SPHKAP: variants seen among roughly 807,000 people sequenced by gnomAD.
The protein encoded by SPHKAP is SPHK1 interactor, AKAP domain containing, also known as A-kinase anchor protein SPHKAP.
Under a neutral mutation model 137.5 loss-of-function variants are expected in SPHKAP, and 67 were observed. The ratio of observed to expected loss-of-function variants is 0.49; its 90% confidence interval spans 0.40 to 0.60. SPHKAP has a LOEUF of 0.60. SPHKAP is among the 20% of genes least tolerant of loss of function. The pLI is 0.00. For synonymous variants in SPHKAP, 813 were observed against 785.3 expected (o/e 1.04, Z -0.59); for missense variants, 2,097 against 2,069.3 (o/e 1.01, Z -0.26).
In SPHKAP at chr2:228,016,704, C is replaced by T. The variant is rs764908088; in HGVS notation, c.4150G>A (p.Val1384Met). 6.2e-7 allele frequency: 1 copy of T among 1,614,138 alleles called. No homozygotes were observed. The highest frequency in any genetic ancestry group is 2.2e-5 in the East Asian group (1 of 44,864). ...GAAGCAGTTTTGCTCAAAGATGACA[C>T]TGGGGGCTGTTTACATTCGGTAACA... ...DSVTECKQPP[V>M]SSLSKTASLT... Residue 1384 changes from valine (V) to methionine (M), a missense_variant, in exon 7 of 12, where the codon GTG becomes ATG. Val to Met is a conservative substitution (Grantham distance 21, BLOSUM62 1). Coordinates refer to ENST00000392056, the MANE Select transcript of SPHKAP (RefSeq NM_001142644.2).
chr2:228,181,534 A>C lies in SPHKAP; in HGVS notation c.32+33T>G. ...CAACGCGGAACGGAGTTTGATCGAC[A>C]TGGTATTGGGCATAGAAAGAAGCGG... On this transcript the variant is annotated intron_variant, in intron 1 of 11. Transcript: ENST00000392056. This position sits in a 1 kb window ranked among gnomAD's most constrained non-coding sequence, Gnocchi z 4.3. 6.2e-7 allele frequency: 1 copy of C among 1,614,114 alleles called. No homozygotes were observed. The highest frequency in any genetic ancestry group is 1.1e-5 in the South Asian group (1 of 91,078).
At position 228,106,729 on chromosome 2, in the gene SPHKAP, G is replaced by C. The variant is rs180948675; in HGVS notation, c.246+2103C>G. ...TCTGTGGTTTACTTCTATTTCTTCT[G>C]TAGGTAATAATTTCCCTCAGGAATG... On this transcript the variant is annotated intron_variant, in intron 3 of 11. Coordinates refer to ENST00000392056, the MANE Select transcript of SPHKAP (RefSeq NM_001142644.2). Among the ~76,000 whole-genome samples the C allele has an allele frequency of 2.6e-5, 4 of 152,154 alleles. No individual in the cohort carries two copies. In the East Asian group the frequency reaches 7.7e-4, roughly 29 times the overall value.
chr2:228,024,466 C>T (rs1694957779), intron 5 of SPHKAP, among the ~76,000 whole-genome samples: 2 of 150,624 alleles, frequency 1.3e-5, no homozygotes, highest in East Asian at 2.0e-4. Flanking sequence ...TCATGTAAAA[C>T]TTATAGGACA....
rs553474525 is a variant in SPHKAP at position 228,115,160 on chromosome 2, C to T, written c.139-6221G>A. On this transcript the variant is annotated intron_variant, in intron 2 of 11. Coordinates refer to ENST00000392056, the MANE Select transcript of SPHKAP (RefSeq NM_001142644.2). ...AGTGTGTTGGTGTTTCTACTCCCAT[C>T]AATCATTTTCCTTATCTCCTTATCG... 2.0e-5 allele frequency among the ~76,000 whole-genome samples: 3 copies of T among 152,254 alleles called. No homozygotes were observed. In the East Asian group the frequency reaches 5.8e-4, roughly 29 times the overall value.
chr2:228,159,157 G>T (rs528514297), intron 1 of SPHKAP, among the ~76,000 whole-genome samples: 5 of 152,222 alleles, frequency 3.3e-5, no homozygotes, highest in Non-Finnish European at 2.9e-5. Context: ...CTCAGACACT[G>T]TCCAGTTTCC....
chr2:228,162,466 C>T (rs545171322), intron 1 of SPHKAP, among the ~76,000 whole-genome samples: 10 of 152,272 alleles, frequency 6.6e-5, no homozygotes, highest in African/African-American at 2.4e-4. Context: ...TAAACTTGAA[C>T]AAGACCAGTG....
At chr2:228,163,377 T>C (rs1368708092) in intron 1 of SPHKAP, among the ~76,000 whole-genome samples, 1 of 152,140 alleles carries the variant, frequency 6.6e-6, no homozygotes, top group African/African-American at 2.4e-5. Context: ...TTATTATACA[T>C]GTATCAAATG....
intron 1 of SPHKAP, among the ~76,000 whole-genome samples, chr2:228,151,386 A>G (rs1198505680): frequency 2.0e-5 from 3 of 151,866 alleles, no homozygotes; most frequent in African/African-American, 4.8e-5. Context: ...TAGTGCCGCA[A>G]TAAACATACG....
chr2:228,038,007 A>G lies in SPHKAP; in HGVS notation c.247-10464T>C, dbSNP rs142166849. ...AATACAGGACCAGCCTCTGTCTAGT[A>G]GAGCTGGGGAGTGGTGAGCCTGGAT... is the stretch of plus-strand genomic sequence containing the variant. On this transcript the variant is annotated intron_variant, in intron 3 of 11. Coordinates refer to ENST00000392056, the MANE Select transcript of SPHKAP (RefSeq NM_001142644.2). Among the ~76,000 whole-genome samples the G allele has an allele frequency of 3.1e-4, 47 of 152,354 alleles. 1 individual carries two copies. Among genetic ancestry groups the G allele is most frequent in the African/African-American group, 9.9e-4 (41 of 41,592 alleles).
chr2:228,003,636 G>T (rs1693998952), intron 7 of SPHKAP, among the ~76,000 whole-genome samples: 1 of 152,140 alleles, frequency 6.6e-6, no homozygotes, highest in African/African-American at 2.4e-5. Flanking sequence ...TCCCTGTCTT[G>T]TGCCAGTTTT....
At chr2:228,154,649 C>A (rs1403804745) in intron 1 of SPHKAP, among the ~76,000 whole-genome samples, 8 of 140,950 alleles carry the variant, frequency 5.7e-5, no homozygotes, top group African/African-American at 2.1e-4. Context: ...CCCAGGTTCA[C>A]GCCATTCTCC....
intron 3 of SPHKAP, among the ~76,000 whole-genome samples, chr2:228,032,324 A>T (rs564356396): frequency 3.1e-4 from 47 of 152,106 alleles, no homozygotes; most frequent in Non-Finnish European, 1.3e-4. Context: ...AGAAGGGAAG[A>T]TTAGAGAAAA....
At chr2:228,164,229 C>T (rs746575246) in intron 1 of SPHKAP, among the ~76,000 whole-genome samples, 2 of 152,138 alleles carry the variant, frequency 1.3e-5, no homozygotes, top group African/African-American at 4.8e-5. Flanking sequence ...TTTGCCAGGG[C>T]CTCTCAGGCC....
intron 3 of SPHKAP, among the ~76,000 whole-genome samples, chr2:228,070,520 C>T (rs1213855054): frequency 6.6e-6 from 1 of 151,844 alleles, no homozygotes; most frequent in African/African-American, 2.4e-5. Context: ...TGCCTCTATC[C>T]TAGAGGGGTC....
chr2:227,982,000 A>G, intron 11 of SPHKAP, 140 bp from the exon 12 acceptor site: 7 of 1,308,132 alleles, frequency 5.4e-6, no homozygotes, highest in Non-Finnish European at 6.8e-6. Context: ...TTCCGGGATA[A>G]TCTATTTTCT....
chr2:228,024,769 TAAAC>T lies in SPHKAP; in HGVS notation c.441+621_441+624del, dbSNP rs546202050. Among the ~76,000 whole-genome samples the T allele has an allele frequency of 9.7e-3, 1,470 of 152,310 alleles. 23 individuals carry two copies. Among genetic ancestry groups the T allele is most frequent in the African/African-American group, 0.034 (1,422 of 41,562 alleles). ...GTATTTTTCTTGTAAATTAATTAATTAAACAATTTTACTTACATATCTTTAAATA... is the reference window on the plus strand; with the variant it reads ...GTATTTTTCTTGTAAATTAATTAATTAATTTTACTTACATATCTTTAAATA... On this transcript the variant is annotated intron_variant, in intron 5 of 11. Transcript: ENST00000392056.
intron 7 of SPHKAP, among the ~76,000 whole-genome samples, chr2:228,001,745 G>A (rs892313505): frequency 6.6e-6 from 1 of 151,734 alleles, no homozygotes; most frequent in Non-Finnish European, 1.5e-5. Context: ...ACAGGCCCTG[G>A]TGTGTGATGT....
At position 228,016,596 on chromosome 2, in the gene SPHKAP, A is replaced by T. The variant is rs1694602351; in HGVS notation, c.4258T>A (p.Ser1420Thr). ...DPVPINHKRR[S>T]LCSREVPLIQ... ...AAAGGCACTTCCCTCGAGCAAAGTG[A>T]TCGCCTTTTGTGGTTTATTGGTACA... The change falls in exon 7 of 12, where the codon TCA (serine) becomes ACA (threonine). Residue 1420 changes from serine to threonine, a missense_variant. Transcript: ENST00000392056. The T allele has an allele frequency of 1.2e-6, 2 of 1,613,980 alleles. No individual in the cohort carries two copies. Among genetic ancestry groups the T allele is most frequent in the East Asian group, 2.2e-5 (1 of 44,878 alleles).
At chr2:228,159,510 C>T (rs547017615) in intron 1 of SPHKAP, among the ~76,000 whole-genome samples, 1 of 152,232 alleles carries the variant, frequency 6.6e-6, no homozygotes, top group East Asian at 1.9e-4. Flanking sequence ...TATCTCCCTG[C>T]ATGTTTGCAT....
Sources: allele counts gnomAD v4.1 joint callset (sites outside exome capture counted in the v4.1 genomes callset), GRCh38; gene constraint gnomAD v4.1.1; non-coding constraint Gnocchi (gnomAD v3.1); transcripts MANE v1.5; gene names NCBI Gene and HGNC (gene_info 2026-07-23, HGNC 2026-07-21).